Variants in PHF14 observed in about 807,000 individuals in gnomAD.
PHF14 encodes PHD finger protein 14.
A neutral mutation model predicts 117.9 loss-of-function variants in PHF14; 55 were observed. The ratio of observed to expected loss-of-function variants is 0.47; its 90% CI spans 0.38 to 0.58. The LOEUF (loss-of-function observed/expected upper bound fraction) is 0.58, where lower values mean the gene tolerates loss of function less well. Among genes scored for constraint, PHF14 ranks in the 20% least tolerant of loss-of-function variants. PHF14 has a pLI of 0.00. For synonymous variants in PHF14, 409 were observed against 368.6 expected (o/e 1.11, Z -1.26); for missense variants, 978 against 1,122.2 (o/e 0.87, Z 1.84).
intron 16 of PHF14, among the ~76,000 whole-genome samples, chr7:11,069,855 TA>T (rs751231491): frequency 1.3e-5 from 2 of 151,502 alleles, no homozygotes; most frequent in Non-Finnish European, 2.9e-5. Flanking sequence ...ATTATTTATT[TA>T]TTTATTTTTT....
intron 16 of PHF14, among the ~76,000 whole-genome samples, chr7:11,092,492 T>C (rs1263211457): frequency 6.6e-6 from 1 of 152,160 alleles, no homozygotes; most frequent in Non-Finnish European, 1.5e-5. Flanking sequence ...GATACAAAAA[T>C]ATCACCTATA....
At chr7:11,016,315 A>T (rs1489495225) in intron 5 of PHF14, among the ~76,000 whole-genome samples, 5 of 152,190 alleles carry the variant, frequency 3.3e-5, no homozygotes, top group Non-Finnish European at 5.9e-5. Flanking sequence ...GAAGCCTTTT[A>T]GTATATGAGC....
chr7:10,989,046 C>A (rs556616884), intron 3 of PHF14, among the ~76,000 whole-genome samples: 1 of 152,060 alleles, frequency 6.6e-6, no homozygotes, highest in Non-Finnish European at 1.5e-5. Flanking sequence ...TTTTATTTGC[C>A]AGCCATTTGT....
At position 11,111,365 on chromosome 7, in the gene PHF14, A is replaced by C. The variant is rs777452630; in HGVS notation, c.2670A>C (p.Arg890Ser). Residue 890 changes from arginine to serine, a missense_variant, in exon 17 of 18, where the codon AGA becomes AGC. Physicochemically the swap from Arg to Ser is moderately radical, Grantham distance 110 (BLOSUM62 -1). Coordinates refer to ENST00000634607, the MANE Select transcript of PHF14 (RefSeq NM_001007157.2). Reference sequence around the variant, plus strand: ...TACCCTGCAGGTGTGATGAATGCAGACTCTGCTACCATTTTGGCTGTTTGG... The same window carrying C: ...TACCCTGCAGGTGTGATGAATGCAGCCTCTGCTACCATTTTGGCTGTTTGG... ...NENLVRCDEC[R>S]LCYHFGCLDP... 2 of 1,593,372 alleles carry C rather than the reference A, an allele frequency of 1.3e-6. No homozygotes were observed. Among genetic ancestry groups the C allele is most frequent in the African/African-American group, 2.7e-5 (2 of 74,524 alleles).
At chr7:11,164,273 A>C (rs1183809959) in intron 17 of PHF14, among the ~76,000 whole-genome samples, 1 of 152,188 alleles carries the variant, frequency 6.6e-6, no homozygotes, top group Non-Finnish European at 1.5e-5. Flanking sequence ...TTATTTCTGG[A>C]AATAGTTTGT....
At chr7:11,063,364 A>T in intron 16 of PHF14, 1 of 984,110 alleles carries the variant, frequency 1.0e-6, no homozygotes. Context: ...AATATGTCGA[A>T]AATGAAATCC....
Position 11,038,949 on chromosome 7 carries a change from C to A in PHF14, c.2076+94C>A. The A allele has an allele frequency of 7.7e-6, 4 of 516,924 alleles. No homozygotes were observed. In the South Asian group the frequency reaches 1.0e-4, roughly 14 times the overall value. 32.0% of individuals were successfully genotyped at this position (516,924 alleles called of 1,614,324 possible). A position where few individuals can be genotyped will look rare whatever the true frequency, so the allele number is the denominator to read the frequency against. On this transcript the variant is annotated intron_variant, in intron 11 of 17. Transcript: ENST00000634607. ...TTGATACAACTGTCATTTGACTAAC[C>A]GAAGAATTCTGTTTGATCAGGGCCT...
intron 13 of PHF14, among the ~76,000 whole-genome samples, chr7:11,050,509 C>G (rs1471007284): frequency 6.6e-6 from 1 of 151,988 alleles, no homozygotes; most frequent in Non-Finnish European, 1.5e-5. Flanking sequence ...TAGATTTCTG[C>G]TGTCTAAATG....
chr7:11,058,568 G>A, intron 14 of PHF14, among the ~76,000 whole-genome samples: 1 of 152,142 alleles, frequency 6.6e-6, no homozygotes, highest in East Asian at 1.9e-4. Context: ...AATCAAGTTA[G>A]TATGTAGTAT....
In PHF14 at chr7:10,987,841, C is replaced by T. The variant is rs1430937345; in HGVS notation, c.901-2862C>T. Reference sequence around the variant, plus strand: ...TGATCTAATCATAAGTGTGCTTAAACTTGTGTTTGATCTGTTAAAACAGAT... The same window carrying T: ...TGATCTAATCATAAGTGTGCTTAAATTTGTGTTTGATCTGTTAAAACAGAT... On this transcript the variant is annotated intron_variant, in intron 3 of 17. Coordinates refer to ENST00000634607, the MANE Select transcript of PHF14 (RefSeq NM_001007157.2). Among the ~76,000 whole-genome samples, 3 of 151,518 alleles carry T rather than the reference C, an allele frequency of 2.0e-5. No homozygotes were observed. The East Asian group carries it at 5.8e-4, about 29-fold the overall frequency.
intron 17 of PHF14, among the ~76,000 whole-genome samples, chr7:11,141,936 T>G (rs865998542): frequency 1.3e-5 from 2 of 152,144 alleles, no homozygotes; most frequent in African/African-American, 4.8e-5. Context: ...CTTCCTCAAA[T>G]TATCAAAATA....
intron 17 of PHF14, among the ~76,000 whole-genome samples, chr7:11,156,517 G>T (rs143822693): frequency 6.6e-6 from 1 of 152,006 alleles, no homozygotes; most frequent in Admixed American, 6.6e-5. Context: ...CTTTCTGGCC[G>T]GGCGTGGTGG....
chr7:11,127,207 G>A (rs923430617), intron 17 of PHF14, among the ~76,000 whole-genome samples: 1 of 150,944 alleles, frequency 6.6e-6, no homozygotes, highest in African/African-American at 2.4e-5. Context: ...CCTGTAGTTT[G>A]GAAGTGGGGC....
At chr7:10,988,333 T>C (rs146833992) in intron 3 of PHF14, among the ~76,000 whole-genome samples, 180 of 152,214 alleles carry the variant, frequency 1.2e-3, no homozygotes, top group African/African-American at 4.2e-3. Flanking sequence ...AATGGAAAAA[T>C]AGGAAAATAG....
At chr7:11,164,298 T>A (rs1259963950) in intron 17 of PHF14, among the ~76,000 whole-genome samples, 1 of 152,198 alleles carries the variant, frequency 6.6e-6, no homozygotes. Flanking sequence ...ATGGCCAAAT[T>A]ATAAAGGGAC....
chr7:11,108,109 C>G (rs1787329964), intron 16 of PHF14: 1 of 151,634 alleles, frequency 6.6e-6, no homozygotes, highest in Non-Finnish European at 1.5e-5. Flanking sequence ...TTAATGGTAT[C>G]TCTTATATTT....
At chr7:11,047,081 T>C (rs1341705134) in intron 13 of PHF14, among the ~76,000 whole-genome samples, 1 of 152,102 alleles carries the variant, frequency 6.6e-6, no homozygotes, top group East Asian at 1.9e-4. Context: ...TTTTTTTTCT[T>C]TTTTTGAGAT....
chr7:11,066,189 C>T (rs979156935), intron 16 of PHF14, among the ~76,000 whole-genome samples: 5 of 152,172 alleles, frequency 3.3e-5, no homozygotes, highest in Non-Finnish European at 5.9e-5. Context: ...TTGTTTGTGT[C>T]ATAAATTATT....
chr7:11,102,027 C>G (rs1394017378), intron 16 of PHF14, among the ~76,000 whole-genome samples: 1 of 151,718 alleles, frequency 6.6e-6, no homozygotes. Flanking sequence ...TTGAGTATAA[C>G]CAGCACTGTA....
Sources: gnomAD v4.1 joint callset for allele counts (sites outside exome capture counted in the v4.1 genomes callset) on GRCh38, gnomAD v4.1.1 for gene constraint, MANE v1.5 for transcripts, NCBI Gene and HGNC (gene_info 2026-07-23, HGNC 2026-07-21) for gene names.